Variants in JARID2 observed in about 807,000 individuals in gnomAD.
The protein encoded by JARID2 is jumonji and AT-rich interaction domain containing 2, also known as protein Jumonji.
Under a neutral mutation model 125.6 loss-of-function variants are expected in JARID2, and 21 were observed. The ratio of observed to expected loss-of-function variants is 0.17; its 90% confidence interval spans 0.12 to 0.24. JARID2 has a LOEUF of 0.24. Ranked by LOEUF, JARID2 falls within the 10% of genes least tolerant of loss-of-function variation. The probability of loss-of-function intolerance (pLI) is 1.00; values close to 1 mark genes in which losing one functional copy is unlikely to be tolerated. For synonymous variants in JARID2, 736 were observed against 661.6 expected (o/e 1.11, Z -1.73); for missense variants, 1,303 against 1,639.6 (o/e 0.79, Z 3.55).
intron 5 of JARID2, among the ~76,000 whole-genome samples, chr6:15,471,267 G>C (rs1561886185): frequency 6.6e-6 from 1 of 152,170 alleles, no homozygotes; most frequent in Non-Finnish European, 1.5e-5. Flanking sequence ...TATCATTTTG[G>C]AGCTGCTGCT....
intron 1 of JARID2, among the ~76,000 whole-genome samples, chr6:15,367,077 G>A (rs1283992309): frequency 6.6e-6 from 1 of 152,108 alleles, no homozygotes; most frequent in Non-Finnish European, 1.5e-5. Flanking sequence ...TTTCCACGAG[G>A]TATTTCCCTG....
At chr6:15,446,998 CT>C (rs1334869829) in intron 3 of JARID2, among the ~76,000 whole-genome samples, 1 of 152,152 alleles carries the variant, frequency 6.6e-6, no homozygotes, top group Non-Finnish European at 1.5e-5. Context: ...TGAAGGGGAT[CT>C]TATTAAGATC....
At chr6:15,324,522 T>G (rs778626026) in intron 1 of JARID2, 3 of 152,120 alleles carry the variant, frequency 2.0e-5, no homozygotes, top group Admixed American at 6.6e-5. Flanking sequence ...TAAAAGACAG[T>G]CTTTGAACCA....
At position 15,517,205 on chromosome 6, in the gene JARID2, T is replaced by C. The variant is rs910480505; in HGVS notation, c.3495T>C (p.Ala1165=). Residue 1165 remains alanine (A), a synonymous_variant, in exon 17 of 18, where the codon GCT becomes GCC. Transcript: ENST00000341776. The part of the protein sequence containing the change: ...NENVVFCLEC[A]LRHVEKQKSC... ...ACGTCGTGTTCTGTCTGGAGTGTGC[T>C]CTGCGCCACGTGGAGAAACAGAAGT... 1.1e-5 allele frequency: 17 copies of C among 1,614,106 alleles called. No individual in the cohort carries two copies. Among genetic ancestry groups the C allele is most frequent in the African/African-American group, 1.3e-5 (1 of 75,046 alleles).
chr6:15,386,034 C>A (rs1302297751), intron 2 of JARID2, among the ~76,000 whole-genome samples: 3 of 152,274 alleles, frequency 2.0e-5, no homozygotes, highest in African/African-American at 7.2e-5. Flanking sequence ...GTTTAAATTA[C>A]AATTGGGCTT....
At chr6:15,382,266 A>C (rs1764619341) in intron 2 of JARID2, among the ~76,000 whole-genome samples, 1 of 152,208 alleles carries the variant, frequency 6.6e-6, no homozygotes, top group Admixed American at 6.5e-5. Context: ...TTCTCAAAAA[A>C]CAGAACCAAA....
At chr6:15,423,559 T>A (rs1766594778) in intron 3 of JARID2, among the ~76,000 whole-genome samples, 1 of 152,066 alleles carries the variant, frequency 6.6e-6, no homozygotes, top group Non-Finnish European at 1.5e-5. Context: ...CTTTTATGGG[T>A]CATGTGTGGG....
chr6:15,520,033 G>C (rs1239597679), intron 17 of JARID2, 36 bp from the exon 18 acceptor site: 3 of 1,577,310 alleles, frequency 1.9e-6, no homozygotes, highest in Non-Finnish European at 2.6e-6. Context: ...TGTTAATACG[G>C]TATGTTAACT....
rs75941579 is a variant in JARID2, at chr6:15,247,880, A to G, written c.45+1296A>G. On this transcript the variant is annotated intron_variant, in intron 1 of 17. Coordinates refer to ENST00000341776, the MANE Select transcript of JARID2 (RefSeq NM_004973.4). Reference sequence around the variant, plus strand: ...TTGCAGAGGGCTGGGTAGAATGCAAAGGACTAGTTTAAACTCGGGCTGTAG... The same window carrying G: ...TTGCAGAGGGCTGGGTAGAATGCAAGGGACTAGTTTAAACTCGGGCTGTAG... 476 of 985,426 alleles carry G rather than the reference A, an allele frequency of 4.8e-4. 11 individuals carry two copies. The East Asian group carries it at 0.042, about 88-fold the overall frequency. The allele number at this position is 985,426 out of a possible 1,614,324, so 61.0% of individuals were successfully genotyped here.
intron 1 of JARID2, among the ~76,000 whole-genome samples, chr6:15,279,174 G>A (rs1301637604): frequency 7.0e-6 from 1 of 143,560 alleles, no homozygotes; most frequent in African/African-American, 3.0e-5. Context: ...ACAATAAATT[G>A]CCTTTTGTTT....
intron 2 of JARID2, among the ~76,000 whole-genome samples, chr6:15,386,628 G>A (rs1013149147): frequency 4.6e-5 from 7 of 152,196 alleles, no homozygotes; most frequent in African/African-American, 2.4e-5. Context: ...GGCCGGTTGA[G>A]TTCTTTAAAT....
rs746133555 is a variant in JARID2, at chr6:15,520,282, TA to T, written c.*32del. On this transcript the variant is annotated 3_prime_UTR_variant, in exon 18 of 18. Coordinates refer to ENST00000341776, the MANE Select transcript of JARID2 (RefSeq NM_004973.4). ...CCAACGCCCGTGGTCGATTTATATA[TA>T]TTTTTTTGTAATTATTATATTCTAG... 29 of 1,502,420 alleles carry T rather than the reference TA, an allele frequency of 1.9e-5. 1 individual carries two copies. The highest frequency in any genetic ancestry group is 6.8e-5 in the South Asian group (5 of 73,762). 93.1% of individuals were successfully genotyped at this position (1,502,420 alleles called of 1,614,324 possible). A position where few individuals can be genotyped will look rare whatever the true frequency, so the allele number is the denominator to read the frequency against.
chr6:15,434,308 G>A (rs184219780), intron 3 of JARID2, among the ~76,000 whole-genome samples: 38 of 152,222 alleles, frequency 2.5e-4, no homozygotes, highest in African/African-American at 8.9e-4. Context: ...AATGGAATTT[G>A]TTGTATTTTT....
At chr6:15,388,189 G>C (rs2127537639) in intron 2 of JARID2, among the ~76,000 whole-genome samples, 1 of 152,212 alleles carries the variant, frequency 6.6e-6, no homozygotes, top group Middle Eastern at 3.4e-3. Flanking sequence ...TAGTTTTGCT[G>C]TGCTTGTGAA....
At chr6:15,495,014 G>A (rs1164643001) in intron 6 of JARID2, among the ~76,000 whole-genome samples, 1 of 152,194 alleles carries the variant, frequency 6.6e-6, no homozygotes, top group Non-Finnish European at 1.5e-5. Flanking sequence ...CTTTGGAGAT[G>A]GTGGTGGTTA....
At chr6:15,436,703 T>A (rs1767219907) in intron 3 of JARID2, among the ~76,000 whole-genome samples, 1 of 152,148 alleles carries the variant, frequency 6.6e-6, no homozygotes, top group Non-Finnish European at 1.5e-5. Context: ...CTGTATCACT[T>A]GTTGCCTACC....
intron 1 of JARID2, among the ~76,000 whole-genome samples, chr6:15,312,969 A>C (rs1762063653): frequency 6.6e-6 from 1 of 152,174 alleles, no homozygotes; most frequent in African/African-American, 2.4e-5. Context: ...CGACGAAAAC[A>C]CTGGCGTTCA....
intron 9 of JARID2, 110 bp from the exon 10 acceptor site, chr6:15,507,026 C>T: frequency 1.4e-6 from 1 of 731,506 alleles, no homozygotes; most frequent in Non-Finnish European, 2.5e-6. Context: ...AGCGTCTGTT[C>T]TGAGGGGTGT....
intron 2 of JARID2, among the ~76,000 whole-genome samples, chr6:15,404,519 GCACACACACACACACACACACACACA>G (rs3138770): frequency 7.7e-4 from 106 of 138,356 alleles, no homozygotes; most frequent in East Asian, 3.2e-3. Context: ...ATCTTAAAGT[GCACACACACACACACACACACACACA>G]CACACACACA....
Sources: allele counts gnomAD v4.1 joint callset (sites outside exome capture counted in the v4.1 genomes callset), GRCh38; gene constraint gnomAD v4.1.1; transcripts MANE v1.5; gene names NCBI Gene and HGNC (gene_info 2026-07-23, HGNC 2026-07-21).